ADGRG6: variants seen among roughly 807,000 people sequenced by gnomAD.
ADGRG6 encodes G-protein coupled receptor 126.
A neutral mutation model predicts 142.4 loss-of-function variants in ADGRG6; 84 were observed. The observed-to-expected ratio is 0.59, with a 90% CI of 0.49 to 0.71. The LOEUF (loss-of-function observed/expected upper bound fraction) is 0.71, where lower values mean the gene tolerates loss of function less well. ADGRG6 is among the 30% of genes least tolerant of loss of function. The pLI is 0.00. For synonymous variants in ADGRG6, 521 were observed against 520.5 expected, an observed-to-expected ratio of 1.00 and a Z score of -0.01; for missense variants, 1,367 against 1,466.6, an observed-to-expected ratio of 0.93 and a Z score of 1.11.
chr6:142,387,136 GTAA>G (rs1371592991), intron 6 of ADGRG6, among the ~76,000 whole-genome samples: 1 of 152,196 alleles, frequency 6.6e-6, no homozygotes, highest in African/African-American at 2.4e-5. Flanking sequence ...CAGGATATGG[GTAA>G]TCTGGGGATT....
chr6:142,445,320 T>C lies in ADGRG6; in HGVS notation c.*1805T>C, dbSNP rs1426803656. Reference sequence around the variant, plus strand: ...ATCTAAGGTCACTGAGCCAAATCCTTTTCAATAGGCATATATTAACAGGCT... The same window carrying C: ...ATCTAAGGTCACTGAGCCAAATCCTCTTCAATAGGCATATATTAACAGGCT... On this transcript the variant is annotated 3_prime_UTR_variant, in exon 25 of 25. Transcript: ENST00000367609. 2 of 152,102 alleles carry C rather than the reference T, an allele frequency of 1.3e-5. No individual in the cohort carries two copies. The highest frequency in any genetic ancestry group is 2.9e-5 in the Non-Finnish European group (2 of 68,018). 9.4% of individuals were successfully genotyped at this position (152,102 alleles called of 1,614,324 possible). A position where few individuals can be genotyped will look rare whatever the true frequency, so the allele number is the denominator to read the frequency against.
In ADGRG6 at chr6:142,402,047, C is replaced by T. The variant is rs1309396809; in HGVS notation, c.1733C>T (p.Ser578Phe). The T allele has an allele frequency of 2.6e-6, 4 of 1,537,052 alleles. No individual in the cohort carries two copies. In the Admixed American group the frequency reaches 5.2e-5, roughly 20 times the overall value. ...LVTYWGPVDISNCLKEANEVA... is the reference protein window; with the variant it reads ...LVTYWGPVDIFNCLKEANEVA... ...ACCTACTGGGGACCTGTTGATATCT[C>T]CAACTGTTTAAGTAAGTGAGCAGTT... Residue 578 changes from serine (S) to phenylalanine (F), a missense_variant, in exon 12 of 25, where the codon TCC (serine) becomes TTC (phenylalanine). Around this residue, in one of 3 missense-constraint regions of ADGRG6, gnomAD observed 737 missense variants for 746.5 expected, o/e 0.99. Coordinates refer to ENST00000367609, the MANE Select transcript of ADGRG6 (RefSeq NM_198569.3).
intron 4 of ADGRG6, among the ~76,000 whole-genome samples, chr6:142,376,341 C>G (rs1324287977): frequency 6.6e-6 from 1 of 152,188 alleles, no homozygotes; most frequent in Non-Finnish European, 1.5e-5. Context: ...AATGAATAGT[C>G]TAAGTTCAAA....
At chr6:142,413,933 A>C (rs1582653530) in intron 18 of ADGRG6, among the ~76,000 whole-genome samples, 1 of 150,270 alleles carries the variant, frequency 6.7e-6, no homozygotes. Context: ...ACACACACAC[A>C]CACAACTTAA....
chr6:142,311,834 CA>C (rs1562301047), intron 2 of ADGRG6, among the ~76,000 whole-genome samples: 1 of 151,888 alleles, frequency 6.6e-6, no homozygotes, highest in Non-Finnish European at 1.5e-5. Flanking sequence ...TTTAAATGTG[CA>C]AACAGGACTC....
At chr6:142,333,737 T>C (rs773926491) in intron 2 of ADGRG6, among the ~76,000 whole-genome samples, 16 of 152,156 alleles carry the variant, frequency 1.1e-4, no homozygotes, top group South Asian at 2.1e-4. Flanking sequence ...CAATAATACC[T>C]ACTTCACACT....
intron 3 of ADGRG6, among the ~76,000 whole-genome samples, chr6:142,368,274 A>G (rs916728916): frequency 2.6e-5 from 4 of 152,224 alleles, no homozygotes; most frequent in Non-Finnish European, 4.4e-5. Flanking sequence ...TTTGGGTTTT[A>G]TGATGTTGTC....
intron 2 of ADGRG6, among the ~76,000 whole-genome samples, chr6:142,325,402 G>T (rs1239694932): frequency 1.3e-5 from 2 of 152,086 alleles, no homozygotes; most frequent in African/African-American, 2.4e-5. Flanking sequence ...TTGGGCTGAG[G>T]CTCCACGGTA....
chr6:142,324,300 A>G (rs551526724), intron 2 of ADGRG6, among the ~76,000 whole-genome samples: 3 of 152,082 alleles, frequency 2.0e-5, no homozygotes, highest in Admixed American at 1.3e-4. Flanking sequence ...AGAGCTTTCA[A>G]TTGCTGATGT....
chr6:142,430,128 A>G (rs1777140181), intron 22 of ADGRG6, among the ~76,000 whole-genome samples: 1 of 152,168 alleles, frequency 6.6e-6, no homozygotes, highest in Non-Finnish European at 1.5e-5. Flanking sequence ...AACACCAGTC[A>G]TTACTACCCA....
At chr6:142,412,038 T>C (rs1444101211) in intron 18 of ADGRG6, among the ~76,000 whole-genome samples, 1 of 152,182 alleles carries the variant, frequency 6.6e-6, no homozygotes, top group African/African-American at 2.4e-5. Flanking sequence ...TCCATGCCCC[T>C]GTTTTATCTT....
intron 4 of ADGRG6, among the ~76,000 whole-genome samples, chr6:142,372,914 T>C (rs1478287098): frequency 6.6e-6 from 1 of 152,174 alleles, no homozygotes; most frequent in Non-Finnish European, 1.5e-5. Flanking sequence ...GGGACAATGT[T>C]TTGAAGATGT....
At chr6:142,385,557 T>C (rs1009109520) in intron 6 of ADGRG6, among the ~76,000 whole-genome samples, 7 of 152,186 alleles carry the variant, frequency 4.6e-5, no homozygotes, top group African/African-American at 1.7e-4. Context: ...GAAAATCTAT[T>C]TCACAATTGT....
chr6:142,320,910 T>C (rs1778483585), intron 2 of ADGRG6, among the ~76,000 whole-genome samples: 1 of 152,006 alleles, frequency 6.6e-6, no homozygotes, highest in Admixed American at 6.6e-5. Flanking sequence ...GCTGATAAAT[T>C]CTATATCTAT....
At chr6:142,380,287 A>G (rs1032278881) in intron 4 of ADGRG6, among the ~76,000 whole-genome samples, 3 of 152,074 alleles carry the variant, frequency 2.0e-5, no homozygotes, top group Non-Finnish European at 2.9e-5. Flanking sequence ...CTCTTCCATC[A>G]TGGCCTCAAC....
chr6:142,313,336 C>T (rs1777862839), intron 2 of ADGRG6, among the ~76,000 whole-genome samples: 1 of 151,928 alleles, frequency 6.6e-6, no homozygotes, highest in Non-Finnish European at 1.5e-5. Context: ...CCTAACACTC[C>T]ATGACTCTGA....
intron 2 of ADGRG6, among the ~76,000 whole-genome samples, chr6:142,337,210 A>T (rs948765138): frequency 3.3e-5 from 5 of 152,150 alleles, no homozygotes; most frequent in African/African-American, 9.7e-5. Context: ...ATTTCATGTA[A>T]TCTGGTATTC....
At chr6:142,373,895 T>C (rs1781374625) in intron 4 of ADGRG6, among the ~76,000 whole-genome samples, 9 of 148,478 alleles carry the variant, frequency 6.1e-5, no homozygotes. Context: ...TTTTTTTTTT[T>C]TTTTTTTTTT....
chr6:142,412,149 C>A (rs1167473234), intron 18 of ADGRG6, among the ~76,000 whole-genome samples: 1 of 152,172 alleles, frequency 6.6e-6, no homozygotes, highest in East Asian at 1.9e-4. Flanking sequence ...CCAGCGACTT[C>A]TTTGAACTCA....
Sources: gnomAD v4.1 joint callset for allele counts (sites outside exome capture counted in the v4.1 genomes callset) on GRCh38, gnomAD v4.1.1 for gene constraint, gnomAD v4.1.1 regional missense constraint, MANE v1.5 for transcripts, NCBI Gene and HGNC (gene_info 2026-07-23, HGNC 2026-07-21) for gene names.